STPG2: variants seen among roughly 807,000 people sequenced by gnomAD.
STPG2 encodes sperm tail PG-rich repeat containing 2.
In STPG2, 56 loss-of-function variants were observed where a neutral mutation model predicts 54.2. The ratio of observed to expected loss-of-function variants is 1.03; its 90% CI spans 0.83 to 1.29. The LOEUF is 1.29. Among genes scored for constraint, STPG2 ranks in the 50% most tolerant of loss-of-function variants. STPG2 has a pLI of 0.00. For missense variants in STPG2, 596 were observed against 544.9 expected (o/e 1.09, Z -0.93); for synonymous variants, 200 against 181.8 (o/e 1.10, Z -0.81).
chr4:97,559,047 A>G lies in STPG2; in HGVS notation c.*11T>C, dbSNP rs1484785167. 9 of 1,588,792 alleles carry G rather than the reference A, an allele frequency of 5.7e-6. No homozygotes were observed. Among genetic ancestry groups the G allele is most frequent in the Non-Finnish European group, 6.8e-6 (8 of 1,170,036 alleles). ...TGAAGTTGTTTTTTAAGTTTTTGCC[A>G]TAAATTTATGTCACATTATATCAGC... is the stretch of plus-strand genomic sequence containing the variant. On this transcript the variant is annotated 3_prime_UTR_variant, in exon 11 of 11. Transcript: ENST00000295268.
chr4:97,964,731 C>T lies in STPG2; in HGVS notation c.933+7549G>A, dbSNP rs187810196. 1.9e-3 allele frequency among the ~76,000 whole-genome samples: 293 copies of T among 152,118 alleles called. 2 individuals carry two copies. The highest frequency in any genetic ancestry group is 6.7e-3 in the African/African-American group (278 of 41,490). On this transcript the variant is annotated intron_variant, in intron 7 of 10. Transcript: ENST00000295268. ...TTTTCTGGTTTGCTTTTCATTGTTC[C>T]TTCTGTTGTTGTCTTAAAATCACAC...
Position 97,647,776 on chromosome 4 carries a change from T to A in STPG2, c.1320+64923A>T, listed in dbSNP as rs553916728. Among the ~76,000 whole-genome samples the A allele has an allele frequency of 3.9e-5, 6 of 152,180 alleles. 1 individual carries two copies. In the South Asian group the frequency reaches 1.2e-3, roughly 32 times the overall value. ...TCTGTAGGAATACCACCTTTCCTTTTGGTATTTAGGTCTGTTCTGGGCAGA... is the reference window on the plus strand; with the variant it reads ...TCTGTAGGAATACCACCTTTCCTTTAGGTATTTAGGTCTGTTCTGGGCAGA... On this transcript the variant is annotated intron_variant, in intron 10 of 10. Coordinates refer to ENST00000295268, the MANE Select transcript of STPG2 (RefSeq NM_174952.3).
chr4:97,483,530 C>T (rs990204118), intron 4 of STPG2, among the ~76,000 whole-genome samples: 5 of 151,496 alleles, frequency 3.3e-5, no homozygotes, highest in Non-Finnish European at 5.9e-5. Context: ...ATATCATAAT[C>T]CTAAACATAT....
In STPG2 at chr4:97,454,519, C is replaced by CAAAAAAA. The variant is rs10564687; in HGVS notation, c.462+258173_462+258179dup. On this transcript the variant is annotated intron_variant, in intron 4 of 4. Coordinates refer to the STPG2 transcript ENST00000522676. ...TGGGCGACAGAGCGAGACTCCGTCTCAAAAAAAAAAAAAAAAAAAAAAAAA... is the reference window on the plus strand; with the variant it reads ...TGGGCGACAGAGCGAGACTCCGTCTCAAAAAAAAAAAAAAAAAAAAAAAAAAAAAAAA... 1.0e-3 allele frequency among the ~76,000 whole-genome samples: 45 copies of CAAAAAAA among 43,696 alleles called. 3 individuals carry two copies. Among genetic ancestry groups the CAAAAAAA allele is most frequent in the East Asian group, 5.0e-3 (4 of 794 alleles). 28.7% of individuals were successfully genotyped at this position (43,696 alleles called of 152,430 possible).
chr4:98,025,076 G>T (rs1402950444), intron 5 of STPG2, among the ~76,000 whole-genome samples: 3 of 152,094 alleles, frequency 2.0e-5, no homozygotes, highest in African/African-American at 7.2e-5. Flanking sequence ...TAGCAAAAAG[G>T]CTCTCCTTTA....
intron 5 of STPG2, among the ~76,000 whole-genome samples, chr4:97,992,122 C>A (rs1162510038): frequency 6.6e-6 from 1 of 152,024 alleles, no homozygotes; most frequent in Admixed American, 6.6e-5. Flanking sequence ...ATCCATTTAT[C>A]TTTGTTTCTG....
intron 7 of STPG2, among the ~76,000 whole-genome samples, chr4:97,945,395 CT>C (rs1026310064): frequency 2.0e-5 from 3 of 152,084 alleles, no homozygotes; most frequent in Non-Finnish European, 2.9e-5. Context: ...TTATGTTATT[CT>C]TTTTTATGGC....
At chr4:97,952,714 TAAATAGCCTTAG>T (rs2149241382) in intron 7 of STPG2, among the ~76,000 whole-genome samples, 1 of 152,274 alleles carries the variant, frequency 6.6e-6, no homozygotes, top group Non-Finnish European at 1.5e-5. Flanking sequence ...TCCTTCGTTA[TAAATAGCCTTAG>T]TGTGTTGGTT....
intron 7 of STPG2, 65 bp from the exon 8 acceptor site, chr4:97,944,072 A>C: frequency 9.7e-7 from 1 of 1,032,408 alleles, no homozygotes. Flanking sequence ...GGCACTATAA[A>C]TAATAAGTTT....
intron 9 of STPG2, among the ~76,000 whole-genome samples, chr4:97,756,919 G>A (rs926964907): frequency 1.3e-5 from 2 of 151,796 alleles, no homozygotes; most frequent in Non-Finnish European, 2.9e-5. Flanking sequence ...ATTCTCTTTT[G>A]GTAGATGCAC....
intron 5 of STPG2, among the ~76,000 whole-genome samples, chr4:98,015,036 C>CT (rs1316028544): frequency 6.6e-6 from 1 of 152,138 alleles, no homozygotes; most frequent in Non-Finnish European, 1.5e-5. Context: ...TTCAAATTCT[C>CT]TTTGTTGTTT....
intron 10 of STPG2, among the ~76,000 whole-genome samples, chr4:97,661,454 A>C (rs970936811): frequency 5.9e-5 from 9 of 152,146 alleles, no homozygotes; most frequent in Admixed American, 2.6e-4. Context: ...CATATCCATC[A>C]TATCATTTCC....
intron 10 of STPG2, among the ~76,000 whole-genome samples, chr4:97,686,941 A>ATT (rs1345242792): frequency 8.7e-5 from 5 of 57,790 alleles, no homozygotes; most frequent in African/African-American, 1.2e-4. Flanking sequence ...TATTATTATT[A>ATT]TTTTTTTTTT....
intron 8 of STPG2, among the ~76,000 whole-genome samples, chr4:97,900,637 C>A (rs1026722188): frequency 6.6e-6 from 1 of 152,038 alleles, no homozygotes; most frequent in African/African-American, 2.4e-5. Context: ...ATGGATAGAT[C>A]TGGAGGCCAT....
intron 2 of STPG2, among the ~76,000 whole-genome samples, chr4:98,132,948 TAAAAAA>T (rs200375140): frequency 9.8e-6 from 1 of 101,568 alleles, no homozygotes; most frequent in Middle Eastern, 4.7e-3. Context: ...TGAAATGAAC[TAAAAAA>T]AAAAAAAAAA....
intron 4 of STPG2, among the ~76,000 whole-genome samples, chr4:97,442,221 TTTTTTG>T (rs1729105126): frequency 6.7e-6 from 1 of 149,726 alleles, no homozygotes; most frequent in African/African-American, 2.5e-5. Context: ...TGACATGTTT[TTTTTTG>T]TTTTTTTTTT....
At chr4:98,061,763 T>C (rs1737667233) in intron 5 of STPG2, among the ~76,000 whole-genome samples, 1 of 152,142 alleles carries the variant, frequency 6.6e-6, no homozygotes, top group South Asian at 2.1e-4. Context: ...CTCACACCTG[T>C]CAGAATGGCT....
At chr4:98,121,784 T>C (rs921185795) in intron 3 of STPG2, among the ~76,000 whole-genome samples, 6 of 152,034 alleles carry the variant, frequency 3.9e-5, no homozygotes, top group Non-Finnish European at 2.9e-5. Context: ...TGCAGTGGCA[T>C]GATCTCGGCT....
chr4:98,080,753 T>C (rs10007872), intron 5 of STPG2, among the ~76,000 whole-genome samples: 59,539 of 152,094 alleles, frequency 0.39, 11,888 homozygotes, highest in Middle Eastern at 0.46. Context: ...ATAATGCCCA[T>C]CTTCAAAACA....
Sources: gnomAD v4.1 joint callset for allele counts (sites outside exome capture counted in the v4.1 genomes callset) on GRCh38, gnomAD v4.1.1 for gene constraint, MANE v1.5 for transcripts, NCBI Gene and HGNC (gene_info 2026-07-23, HGNC 2026-07-21) for gene names.